Variants in EIF4G3 observed in about 807,000 individuals in gnomAD.
EIF4G3 encodes eIF-4-gamma 3.
A neutral mutation model predicts 186.4 loss-of-function variants in EIF4G3; 34 were observed. The ratio of observed to expected loss-of-function variants is 0.18; its 90% CI spans 0.14 to 0.24. The LOEUF is 0.24. Among genes scored for constraint, EIF4G3 ranks in the 10% least tolerant of loss-of-function variants. EIF4G3 has a pLI of 1.00. For synonymous variants in EIF4G3, 673 were observed against 679.5 expected (o/e 0.99, Z 0.15); for missense variants, 1,536 against 1,948.5 (o/e 0.79, Z 3.99).
At chr1:21,023,424 A>G (rs2091308827) in intron 4 of EIF4G3, among the ~76,000 whole-genome samples, 1 of 151,504 alleles carries the variant, frequency 6.6e-6, no homozygotes, top group Admixed American at 6.6e-5. Flanking sequence ...ACGCGCCGCC[A>G]TGCCTGACTG....
intron 4 of EIF4G3, among the ~76,000 whole-genome samples, chr1:21,035,750 T>C (rs1367073979): frequency 6.6e-6 from 1 of 152,140 alleles, no homozygotes; most frequent in Non-Finnish European, 1.5e-5. Context: ...GGGAGGCAAA[T>C]GGGCTCCTGT....
intron 2 of EIF4G3, among the ~76,000 whole-genome samples, chr1:21,119,821 A>G (rs759350742): frequency 6.6e-5 from 10 of 152,130 alleles, no homozygotes; most frequent in Non-Finnish European, 1.2e-4. Flanking sequence ...TTTTCTTCCA[A>G]AAGTAACCAC....
intron 30 of EIF4G3, among the ~76,000 whole-genome samples, chr1:20,837,798 A>G (rs982760071): frequency 1.3e-5 from 2 of 152,214 alleles, no homozygotes; most frequent in Admixed American, 1.3e-4. Context: ...TGCTTGCAAG[A>G]AAGCTCTTGG....
intron 4 of EIF4G3, 126 bp downstream of exon 4, chr1:21,050,740 C>T (rs563655711): frequency 1.9e-4 from 110 of 588,872 alleles, no homozygotes; most frequent in Non-Finnish European, 3.6e-5. Context: ...GAAAAGATGC[C>T]AAAGACAAAC....
rs755388629 is a variant in EIF4G3, at chr1:21,084,963, T to A, written c.-196+4175A>T. Reference sequence around the variant, plus strand: ...ACCATATCCTGAACACCTAGACCACTGCATGACACACAGTAAAAGCTTAAG... The same window carrying A: ...ACCATATCCTGAACACCTAGACCACAGCATGACACACAGTAAAAGCTTAAG... On this transcript the variant is annotated intron_variant, in intron 3 of 36. Coordinates refer to ENST00000602326, the MANE Select transcript of EIF4G3 (RefSeq NM_001391906.1). Among the ~76,000 whole-genome samples, 17 of 141,628 alleles carry A rather than the reference T, an allele frequency of 1.2e-4. No individual in the cohort carries two copies. In the South Asian group the frequency reaches 2.8e-3, roughly 23 times the overall value. 92.9% of individuals were successfully genotyped at this position (141,628 alleles called of 152,430 possible). A position where few individuals can be genotyped will look rare whatever the true frequency, so the allele number is the denominator to read the frequency against.
chr1:21,086,439 T>G (rs567567659), intron 3 of EIF4G3, among the ~76,000 whole-genome samples: 2 of 152,266 alleles, frequency 1.3e-5, no homozygotes, highest in Non-Finnish European at 2.9e-5. Context: ...CTTCATATTA[T>G]GTCATAGTGA....
At chr1:21,146,053 C>G (rs1052533820) in intron 2 of EIF4G3, among the ~76,000 whole-genome samples, 4 of 152,030 alleles carry the variant, frequency 2.6e-5, no homozygotes, top group African/African-American at 9.7e-5. Context: ...CAAGATTGTG[C>G]CACTACACTC....
chr1:20,988,623 T>A lies in EIF4G3; in HGVS notation c.178-6215A>T, dbSNP rs138985170. On this transcript the variant is annotated intron_variant, in intron 7 of 36. Transcript: ENST00000602326. ...TTTGCTGGCTATTTTAAGGCCATTGTAGAGAGCTTAGATTCCTTTCAAAAT... is the reference window on the plus strand; with the variant it reads ...TTTGCTGGCTATTTTAAGGCCATTGAAGAGAGCTTAGATTCCTTTCAAAAT... Among the ~76,000 whole-genome samples the A allele has an allele frequency of 2.0e-5, 3 of 152,140 alleles. 1 individual carries two copies. Among genetic ancestry groups the A allele is most frequent in the Non-Finnish European group, 4.4e-5 (3 of 68,014 alleles).
At chr1:20,969,712 A>G (rs1021019811) in intron 11 of EIF4G3, 116 bp from the exon 12 acceptor site, 6 of 926,230 alleles carry the variant, frequency 6.5e-6, no homozygotes, top group Non-Finnish European at 9.7e-6. Flanking sequence ...CAAAGGTGAT[A>G]ATCACCACAT....
chr1:20,826,696 G>T (rs1238867442), intron 32 of EIF4G3, among the ~76,000 whole-genome samples: 1 of 151,246 alleles, frequency 6.6e-6, no homozygotes, highest in Non-Finnish European at 1.5e-5. Flanking sequence ...CACCATGTTG[G>T]CCAGGATGGT....
chr1:20,904,614 C>G (rs558829764), intron 15 of EIF4G3, among the ~76,000 whole-genome samples: 1 of 152,274 alleles, frequency 6.6e-6, no homozygotes, highest in East Asian at 1.9e-4. Context: ...TCACAAAGTG[C>G]TGGGATTACA....
At chr1:21,150,295 A>T (rs2097529303) in intron 2 of EIF4G3, among the ~76,000 whole-genome samples, 1 of 152,238 alleles carries the variant, frequency 6.6e-6, no homozygotes, top group Non-Finnish European at 1.5e-5. Flanking sequence ...AACAAAAATA[A>T]CAATGAAGCA....
At chr1:20,966,309 T>C (rs536163657) in intron 12 of EIF4G3, among the ~76,000 whole-genome samples, 1 of 152,342 alleles carries the variant, frequency 6.6e-6, no homozygotes, top group Non-Finnish European at 1.5e-5. Flanking sequence ...TTTATCTGGA[T>C]TGATGTCAAA....
chr1:20,892,710 C>CTG, intron 18 of EIF4G3: 1 of 1,535,056 alleles, frequency 6.5e-7, no homozygotes, highest in Non-Finnish European at 8.7e-7. Flanking sequence ...CAATCCATGC[C>CTG]TGCTCTGCAC....
At chr1:20,925,593 ACACCAT>A (rs2094828608) in intron 14 of EIF4G3, among the ~76,000 whole-genome samples, 1 of 152,166 alleles carries the variant, frequency 6.6e-6, no homozygotes, top group African/African-American at 2.4e-5. Flanking sequence ...GAGTGTGGTG[ACACCAT>A]CATACCTCAC....
intron 3 of EIF4G3, among the ~76,000 whole-genome samples, chr1:21,082,329 A>G (rs2100860353): frequency 6.6e-6 from 1 of 151,924 alleles, no homozygotes; most frequent in Non-Finnish European, 1.5e-5. Flanking sequence ...TTCATGACAT[A>G]ATCCCAGCAT....
intron 3 of EIF4G3, among the ~76,000 whole-genome samples, chr1:21,053,083 T>C (rs2094340060): frequency 6.8e-6 from 1 of 147,498 alleles, no homozygotes; most frequent in South Asian, 2.2e-4. Context: ...GGCTGCCCAG[T>C]CTGGAAAGTG....
At chr1:21,120,127 G>C (rs1013389255) in intron 2 of EIF4G3, among the ~76,000 whole-genome samples, 7 of 148,460 alleles carry the variant, frequency 4.7e-5, no homozygotes, top group Admixed American at 2.1e-4. Context: ...ATTTATTTTC[G>C]CACAATGGAG....
In EIF4G3 at chr1:21,050,999, G is replaced by A; in HGVS notation, c.-195-5C>T. 1.4e-6 allele frequency: 1 copy of A among 717,446 alleles called. No individual in the cohort carries two copies. The highest frequency in any genetic ancestry group is 1.5e-5 in the South Asian group (1 of 67,564). 44.4% of individuals were successfully genotyped at this position (717,446 alleles called of 1,614,324 possible). A position where few individuals can be genotyped will look rare whatever the true frequency, so the allele number is the denominator to read the frequency against. ...CTGTCTTGCCACTTGTGTTACCTGT[G>A]AGGAAATCAATATTTAGTAAGAACA... On this transcript the variant is annotated splice_region_variant and splice_polypyrimidine_tract_variant and intron_variant, in intron 3 of 36. Transcript: ENST00000602326.
Sources: gnomAD v4.1 joint callset for allele counts (sites outside exome capture counted in the v4.1 genomes callset) on GRCh38, gnomAD v4.1.1 for gene constraint, MANE v1.5 for transcripts, NCBI Gene and HGNC (gene_info 2026-07-23, HGNC 2026-07-21) for gene names.